Variants in MYT1L observed in about 807,000 individuals in gnomAD.
MYT1L encodes myelin transcription factor 1 like.
A neutral mutation model predicts 126.7 loss-of-function variants in MYT1L; 12 were observed. The ratio of observed to expected loss-of-function variants is 0.09; its 90% CI spans 0.06 to 0.15. The LOEUF is 0.15. Among genes scored for constraint, MYT1L ranks in the 10% least tolerant of loss-of-function variants. MYT1L has a pLI of 1.00. For synonymous variants in MYT1L, 541 were observed against 604.2 expected (o/e 0.90, Z 1.53); for missense variants, 979 against 1,585.2 (o/e 0.62, Z 6.49).
At chr2:1,876,180 G>C (rs1439314643) in intron 18 of MYT1L, among the ~76,000 whole-genome samples, 5 of 152,164 alleles carry the variant, frequency 3.3e-5, no homozygotes, top group Non-Finnish European at 4.4e-5. Context: ...CTTTGTGATG[G>C]AATTTCCAAA....
At chr2:1,880,753 T>C (rs2047426460) in intron 18 of MYT1L, among the ~76,000 whole-genome samples, 1 of 152,170 alleles carries the variant, frequency 6.6e-6, no homozygotes, top group South Asian at 2.1e-4. Flanking sequence ...GGAAAACCCA[T>C]GGTCTGCGTT....
chr2:1,857,350 T>C (rs1471077614), intron 18 of MYT1L, among the ~76,000 whole-genome samples: 1 of 152,206 alleles, frequency 6.6e-6, no homozygotes, highest in Admixed American at 6.5e-5. Flanking sequence ...ATGTTTCAGC[T>C]CTGTCTGGAT....
chr2:2,150,752 T>C (rs1273601259), intron 3 of MYT1L, among the ~76,000 whole-genome samples: 1 of 152,062 alleles, frequency 6.6e-6, no homozygotes. Context: ...AACTAGGCTT[T>C]TGATGTGAAG....
intron 21 of MYT1L, among the ~76,000 whole-genome samples, chr2:1,823,636 C>T (rs2038881892): frequency 6.6e-6 from 1 of 150,444 alleles, no homozygotes; most frequent in African/African-American, 2.4e-5. Flanking sequence ...GCAGGTGGGT[C>T]GTGCTCCTGG....
chr2:1,966,199 G>A (rs1326295076), intron 8 of MYT1L, among the ~76,000 whole-genome samples: 3 of 152,258 alleles, frequency 2.0e-5, no homozygotes, highest in Non-Finnish European at 4.4e-5. Context: ...AGCCTGGGAG[G>A]CAGGGGGCTC....
At chr2:2,124,327 G>A (rs958674483) in intron 3 of MYT1L, among the ~76,000 whole-genome samples, 2 of 151,852 alleles carry the variant, frequency 1.3e-5, no homozygotes, top group South Asian at 2.1e-4. Flanking sequence ...ATGGAGTCTC[G>A]CTCTGTTGCC....
intron 8 of MYT1L, among the ~76,000 whole-genome samples, chr2:1,959,040 T>C (rs970633781): frequency 1.3e-5 from 2 of 152,194 alleles, no homozygotes; most frequent in African/African-American, 4.8e-5. Flanking sequence ...GTGGGGAGCT[T>C]GAATCCCTCT....
At chr2:1,815,365 C>T (rs1053151250) in intron 21 of MYT1L, among the ~76,000 whole-genome samples, 1 of 152,222 alleles carries the variant, frequency 6.6e-6, no homozygotes. Context: ...TCCCTCCCTG[C>T]TCCCACTCGT....
intron 21 of MYT1L, among the ~76,000 whole-genome samples, chr2:1,813,642 G>A (rs567470913): frequency 6.6e-5 from 10 of 152,188 alleles, no homozygotes; most frequent in African/African-American, 2.4e-4. Flanking sequence ...GCCTGCGAGG[G>A]GGTCCGGGCT....
At chr2:2,221,333 AT>A (rs2093863760) in intron 2 of MYT1L, among the ~76,000 whole-genome samples, 1 of 152,080 alleles carries the variant, frequency 6.6e-6, no homozygotes, top group African/African-American at 2.4e-5. Flanking sequence ...CACCTCTTGG[AT>A]TATTAGTCTG....
intron 18 of MYT1L, among the ~76,000 whole-genome samples, chr2:1,881,022 T>C (rs1322419309): frequency 6.6e-6 from 1 of 152,122 alleles, no homozygotes; most frequent in Non-Finnish European, 1.5e-5. Flanking sequence ...CTCGATGTGG[T>C]GGTTGTTTTG....
intron 21 of MYT1L, among the ~76,000 whole-genome samples, chr2:1,838,661 A>G (rs1048561528): frequency 6.6e-6 from 1 of 152,182 alleles, no homozygotes; most frequent in Non-Finnish European, 1.5e-5. Flanking sequence ...ATCTAACTGC[A>G]TGTATTTCTT....
chr2:1,954,416 C>T (rs2058155561), intron 8 of MYT1L, among the ~76,000 whole-genome samples: 1 of 152,180 alleles, frequency 6.6e-6, no homozygotes, highest in South Asian at 2.1e-4. Flanking sequence ...CAGTCCATCC[C>T]AATGACATTT....
intron 1 of MYT1L, among the ~76,000 whole-genome samples, chr2:2,293,450 G>A (rs2095628636): frequency 6.6e-6 from 1 of 152,164 alleles, no homozygotes; most frequent in Admixed American, 6.5e-5. Context: ...TTGGTTAGAG[G>A]CAGATCTGCA....
intron 3 of MYT1L, among the ~76,000 whole-genome samples, chr2:2,096,466 T>C (rs1027293321): frequency 1.4e-4 from 21 of 152,234 alleles, no homozygotes; most frequent in African/African-American, 4.8e-4. Context: ...TTCCTAGACA[T>C]GCTATTTACA....
chr2:2,204,099 C>G (rs1387930954), intron 2 of MYT1L, among the ~76,000 whole-genome samples: 22 of 152,242 alleles, frequency 1.4e-4, no homozygotes, highest in Admixed American at 1.4e-3. Flanking sequence ...ACACCTTATG[C>G]AAAAATTAAT....
At chr2:2,038,728 G>A (rs2067173907) in intron 4 of MYT1L, among the ~76,000 whole-genome samples, 1 of 151,992 alleles carries the variant, frequency 6.6e-6, no homozygotes, top group Non-Finnish European at 1.5e-5. Flanking sequence ...CCTGGCATGT[G>A]GAAAGGTCAC....
chr2:1,822,167 A>G (rs1029147147), intron 21 of MYT1L, among the ~76,000 whole-genome samples: 1 of 152,096 alleles, frequency 6.6e-6, no homozygotes, highest in African/African-American at 2.4e-5. Flanking sequence ...GGCCTGAGCC[A>G]TGTGTGCTTG....
At chr2:1,877,579 G>C (rs916075496) in intron 18 of MYT1L, among the ~76,000 whole-genome samples, 3 of 152,158 alleles carry the variant, frequency 2.0e-5, no homozygotes, top group Non-Finnish European at 4.4e-5. Context: ...TTCAGTAAGA[G>C]TGCATGATGA....
Sources: allele counts gnomAD v4.1 joint callset (sites outside exome capture counted in the v4.1 genomes callset), GRCh38; gene constraint gnomAD v4.1.1; transcripts MANE v1.5; gene names NCBI Gene and HGNC (gene_info 2026-07-23, HGNC 2026-07-21).